The following KIAA0825 variants were observed in gnomAD, a reference collection of about 807,000 sequenced individuals.
KIAA0825 encodes KIAA0825.
Under a neutral mutation model 147.6 loss-of-function variants are expected in KIAA0825, and 119 were observed. The ratio of observed to expected loss-of-function variants is 0.81; its 90% CI spans 0.69 to 0.94. KIAA0825 has a LOEUF of 0.94. Among genes scored for constraint, KIAA0825 ranks in the 40% least tolerant of loss-of-function variants. The probability of loss-of-function intolerance (pLI) is 0.00; values close to 1 mark genes in which losing one functional copy is unlikely to be tolerated. For missense variants in KIAA0825, 1,381 were observed against 1,472.7 expected (o/e 0.94, Z 1.02); for synonymous variants, 470 against 518.1 (o/e 0.91, Z 1.26).
intron 2 of KIAA0825, among the ~76,000 whole-genome samples, chr5:94,573,894 T>C (rs6862592): frequency 0.23 from 35,338 of 152,062 alleles, 4,434 homozygotes; most frequent in Non-Finnish European, 0.27. Flanking sequence ...ACCCATCTGA[T>C]AAGAATTTCT....
chr5:94,467,350 C>T (rs1432417044), intron 10 of KIAA0825, among the ~76,000 whole-genome samples: 2 of 152,144 alleles, frequency 1.3e-5, no homozygotes, highest in Non-Finnish European at 2.9e-5. Context: ...TGCAAACCCA[C>T]TATGATGTAA....
chr5:94,509,283 A>G (rs557200211), intron 5 of KIAA0825, among the ~76,000 whole-genome samples: 1 of 152,334 alleles, frequency 6.6e-6, no homozygotes, highest in Admixed American at 6.5e-5. Flanking sequence ...GTGTCCTAAC[A>G]ACCTGGCACA....
intron 20 of KIAA0825, among the ~76,000 whole-genome samples, chr5:94,238,484 A>G (rs1775179971): frequency 6.6e-6 from 1 of 152,170 alleles, no homozygotes; most frequent in South Asian, 2.1e-4. Context: ...AAGTATTGTA[A>G]TCAATTCAAC....
intron 20 of KIAA0825, among the ~76,000 whole-genome samples, chr5:94,204,357 C>T (rs1292255244): frequency 6.6e-6 from 1 of 151,974 alleles, no homozygotes; most frequent in African/African-American, 2.4e-5. Flanking sequence ...TGAATAGTTC[C>T]AAAATATAAA....
At chr5:94,588,090 G>C (rs190183657) in intron 1 of KIAA0825, among the ~76,000 whole-genome samples, 124 of 152,120 alleles carry the variant, frequency 8.2e-4, no homozygotes, top group African/African-American at 2.8e-3. Flanking sequence ...CATAAAAACT[G>C]TAGAAGAAAG....
At chr5:94,537,647 CA>C (rs1162517096) in intron 2 of KIAA0825, among the ~76,000 whole-genome samples, 1,930 of 68,020 alleles carry the variant, frequency 0.028, 20 homozygotes, top group South Asian at 0.091. Flanking sequence ...GACTCTGTCT[CA>C]AAAAAAAAAA....
At chr5:94,567,351 A>G (rs1192562765) in intron 2 of KIAA0825, 1 of 152,240 alleles carries the variant, frequency 6.6e-6, no homozygotes, top group Non-Finnish European at 1.5e-5. Context: ...GCCAAAATTT[A>G]GAGGTCATTT....
intron 20 of KIAA0825, among the ~76,000 whole-genome samples, chr5:94,202,454 G>C (rs933046015): frequency 6.6e-6 from 1 of 152,188 alleles, no homozygotes; most frequent in African/African-American, 2.4e-5. Flanking sequence ...TTATACCAGC[G>C]GTGTGGCTAG....
intron 20 of KIAA0825, among the ~76,000 whole-genome samples, chr5:94,195,723 A>G (rs1771074600): frequency 6.6e-6 from 1 of 152,134 alleles, no homozygotes; most frequent in Non-Finnish European, 1.5e-5. Context: ...GACATATGTT[A>G]TAGTCACATG....
chr5:94,327,735 C>T (rs938168484), intron 20 of KIAA0825, among the ~76,000 whole-genome samples: 4 of 151,964 alleles, frequency 2.6e-5, no homozygotes, highest in Non-Finnish European at 2.9e-5. Flanking sequence ...TGGCTGGGTG[C>T]GGTGGCTCAT....
rs70978114 is a variant in KIAA0825, at chr5:94,554,716, C to CTATA, written c.-1-17593_-1-17590dup. Among the ~76,000 whole-genome samples, 352 of 67,026 alleles carry CTATA rather than the reference C, an allele frequency of 5.3e-3. 5 individuals carry two copies. The highest frequency in any genetic ancestry group is 6.3e-3 in the Non-Finnish European group (208 of 32,830). The allele number at this position is 67,026 out of a possible 152,430, so 44.0% of individuals were successfully genotyped here. On this transcript the variant is annotated intron_variant, in intron 2 of 20. Transcript: ENST00000682413. ...TATGAGCCAGGCATTGTTCTGTGTA[C>CTATA]TATATATATATATATATATATATAT...
chr5:94,404,156 C>G (rs1286241174), intron 15 of KIAA0825, among the ~76,000 whole-genome samples: 1 of 151,708 alleles, frequency 6.6e-6, no homozygotes, highest in Non-Finnish European at 1.5e-5. Flanking sequence ...AGGACTTTTC[C>G]TAAGAAATTA....
At chr5:94,449,153 A>G (rs1462032693) in intron 13 of KIAA0825, among the ~76,000 whole-genome samples, 7 of 152,154 alleles carry the variant, frequency 4.6e-5, no homozygotes. Context: ...TAAGCAACAA[A>G]TTCAATATTA....
intron 20 of KIAA0825, among the ~76,000 whole-genome samples, chr5:94,368,296 C>T (rs938045420): frequency 4.6e-5 from 7 of 152,304 alleles, no homozygotes; most frequent in Admixed American, 2.0e-4. Context: ...CCTCAGCCCC[C>T]GGAGTAGCTG....
chr5:94,199,246 T>G (rs969432556), intron 20 of KIAA0825, among the ~76,000 whole-genome samples: 1 of 152,190 alleles, frequency 6.6e-6, no homozygotes, highest in African/African-American at 2.4e-5. Flanking sequence ...CCTTGAAGGT[T>G]TACTGTAGTA....
chr5:94,537,083 T>G lies in KIAA0825; in HGVS notation c.44A>C (p.His15Pro), dbSNP rs1347246464. ...DEYSHNSFDL[H>P]CLLNSFPGDL... ...TCCAGGAAATGAGTTTAACAAACAA[T>G]GTAGGTCAAAAGAATTATGAGAATA... is the stretch of plus-strand genomic sequence containing the variant. Residue 15 changes from histidine to proline, a missense_variant, in exon 3 of 21, where the codon CAT becomes CCT. Transcript: ENST00000682413. The G allele has an allele frequency of 1.9e-6, 3 of 1,610,908 alleles. No homozygotes were observed. Among genetic ancestry groups the G allele is most frequent in the South Asian group, 2.2e-5 (2 of 90,870 alleles).
chr5:94,530,271 CAA>C (rs770501364), intron 3 of KIAA0825, among the ~76,000 whole-genome samples: 10 of 54,590 alleles, frequency 1.8e-4, no homozygotes, highest in African/African-American at 4.7e-4. Flanking sequence ...AACTCCGTCA[CAA>C]AAAAAAAAAA....
At chr5:94,232,610 C>T (rs1774785402) in intron 20 of KIAA0825, among the ~76,000 whole-genome samples, 1 of 152,010 alleles carries the variant, frequency 6.6e-6, no homozygotes, top group African/African-American at 2.4e-5. Context: ...TGCCTGGAAG[C>T]CTTTTAATAA....
intron 2 of KIAA0825, among the ~76,000 whole-genome samples, chr5:94,550,016 A>C (rs1039162265): frequency 5.3e-5 from 8 of 152,192 alleles, no homozygotes; most frequent in Non-Finnish European, 1.2e-4. Flanking sequence ...TCAACAGAGG[A>C]CTGGATAAAC....
Sources: allele counts gnomAD v4.1 joint callset (sites outside exome capture counted in the v4.1 genomes callset), GRCh38; gene constraint gnomAD v4.1.1; transcripts MANE v1.5; gene names NCBI Gene and HGNC (gene_info 2026-07-23, HGNC 2026-07-21).